Variants in CNTNAP5 observed in about 807,000 individuals in gnomAD.
The protein encoded by CNTNAP5 is contactin-associated protein-like 5.
CNTNAP5 carries 72 observed loss-of-function variants against 150.2 expected under a neutral mutation model. The observed-to-expected ratio is 0.48, with a 90% confidence interval of 0.40 to 0.58. CNTNAP5 has a LOEUF of 0.58. Ranked by LOEUF, CNTNAP5 falls within the 20% of genes least tolerant of loss-of-function variation. CNTNAP5 has a pLI of 0.00. For missense variants in CNTNAP5, 1,636 were observed against 1,626.2 expected, an observed-to-expected ratio of 1.01 and a Z score of -0.10; for synonymous variants, 672 against 619.8, an observed-to-expected ratio of 1.08 and a Z score of -1.25.
chr2:124,688,516 A>G (rs998502173), intron 13 of CNTNAP5, among the ~76,000 whole-genome samples: 1 of 152,104 alleles, frequency 6.6e-6, no homozygotes, highest in African/African-American at 2.4e-5. Context: ...AGTCAGATAG[A>G]ATGACGTAGA....
intron 6 of CNTNAP5, among the ~76,000 whole-genome samples, chr2:124,454,426 C>T (rs142940453): frequency 1.3e-5 from 2 of 152,030 alleles, no homozygotes; most frequent in African/African-American, 4.8e-5. Context: ...ACCTAACATA[C>T]AGACAGCAGC....
At chr2:124,237,579 A>C (rs147274284) in intron 2 of CNTNAP5, among the ~76,000 whole-genome samples, 539 of 152,250 alleles carry the variant, frequency 3.5e-3, no homozygotes, top group Non-Finnish European at 5.2e-3. Context: ...CACACCTGTA[A>C]TCCCAGCACT....
At chr2:124,796,177 C>T (rs1469614938) in intron 18 of CNTNAP5, among the ~76,000 whole-genome samples, 2 of 152,060 alleles carry the variant, frequency 1.3e-5, no homozygotes, top group Non-Finnish European at 2.9e-5. Flanking sequence ...AGAGTGACAA[C>T]AGAAATTTGG....
At chr2:124,189,779 CT>C (rs1351589914) in intron 1 of CNTNAP5, among the ~76,000 whole-genome samples, 1 of 152,144 alleles carries the variant, frequency 6.6e-6, no homozygotes, top group Non-Finnish European at 1.5e-5. Context: ...CCTTGCAGGG[CT>C]TCCAGGTTGG....
At chr2:124,203,078 A>G (rs966125840) in intron 1 of CNTNAP5, among the ~76,000 whole-genome samples, 3 of 152,092 alleles carry the variant, frequency 2.0e-5, no homozygotes, top group African/African-American at 7.2e-5. Context: ...AATCAGAAGC[A>G]ACTTAGTTAC....
intron 4 of CNTNAP5, among the ~76,000 whole-genome samples, chr2:124,421,651 T>A (rs893668615): frequency 6.6e-6 from 1 of 152,178 alleles, no homozygotes; most frequent in Non-Finnish European, 1.5e-5. Context: ...AAAATGTTCT[T>A]TATAAAGAAG....
intron 11 of CNTNAP5, among the ~76,000 whole-genome samples, chr2:124,564,162 T>A (rs1394936623): frequency 6.6e-6 from 1 of 152,012 alleles, no homozygotes; most frequent in Non-Finnish European, 1.5e-5. Context: ...AATGGAGACA[T>A]AAAGCACAGG....
At chr2:124,028,607 G>T (rs1680961205) in intron 1 of CNTNAP5, among the ~76,000 whole-genome samples, 1 of 152,062 alleles carries the variant, frequency 6.6e-6, no homozygotes, top group South Asian at 2.1e-4. Context: ...GAGGGAATTA[G>T]TTAACATCAA....
At chr2:124,681,838 A>G (rs1267439463) in intron 13 of CNTNAP5, among the ~76,000 whole-genome samples, 2 of 152,198 alleles carry the variant, frequency 1.3e-5, no homozygotes, top group African/African-American at 4.8e-5. Flanking sequence ...CTGGGATTGC[A>G]GGCATGAACC....
At chr2:124,740,476 G>C (rs1680474509) in intron 13 of CNTNAP5, among the ~76,000 whole-genome samples, 1 of 152,124 alleles carries the variant, frequency 6.6e-6, no homozygotes, top group Non-Finnish European at 1.5e-5. Flanking sequence ...AATCATTGGG[G>C]CTGGGTTGGC....
At chr2:124,462,427 CT>C (rs1693275991) in intron 6 of CNTNAP5, among the ~76,000 whole-genome samples, 1 of 152,144 alleles carries the variant, frequency 6.6e-6, no homozygotes, top group Admixed American at 6.5e-5. Context: ...AAAGACTTCT[CT>C]TAAATTTGTT....
intron 13 of CNTNAP5, among the ~76,000 whole-genome samples, chr2:124,739,799 G>T (rs2105136456): frequency 6.6e-6 from 1 of 152,068 alleles, no homozygotes; most frequent in East Asian, 1.9e-4. Flanking sequence ...GCATAAAACT[G>T]TTCCCACGAC....
At chr2:124,858,139 T>C (rs1677421428) in intron 19 of CNTNAP5, among the ~76,000 whole-genome samples, 1 of 152,146 alleles carries the variant, frequency 6.6e-6, no homozygotes, top group Non-Finnish European at 1.5e-5. Flanking sequence ...CTTTGAAAAC[T>C]GGCACAAGAC....
chr2:124,726,625 A>G (rs1118109), intron 13 of CNTNAP5, among the ~76,000 whole-genome samples: 26,805 of 151,874 alleles, frequency 0.18, 2,492 homozygotes, highest in South Asian at 0.22. Flanking sequence ...CTTGTTAGCC[A>G]TTTGTACGTC....
intron 3 of CNTNAP5, among the ~76,000 whole-genome samples, chr2:124,373,770 A>T (rs1350817675): frequency 6.6e-6 from 1 of 151,866 alleles, no homozygotes; most frequent in Non-Finnish European, 1.5e-5. Context: ...AAATTTCTGT[A>T]TGAAGTTATT....
At chr2:124,400,138 C>T (rs12996057) in intron 3 of CNTNAP5, among the ~76,000 whole-genome samples, 69,285 of 150,858 alleles carry the variant, frequency 0.46, 17,692 homozygotes, top group South Asian at 0.61. Flanking sequence ...ATAGGGAAAC[C>T]AATGCTACAT....
chr2:124,376,498 T>C lies in CNTNAP5; in HGVS notation c.382-40945T>C, dbSNP rs982268035. On this transcript the variant is annotated intron_variant, in intron 3 of 23. Coordinates refer to ENST00000682447, the MANE Select transcript of CNTNAP5 (RefSeq NM_001367498.1). ...ATTTGCTCTGCTAAGATAAAAGTTT[T>C]TCATGATCTTTATGAGTGCCTCTAA... Among the ~76,000 whole-genome samples the C allele has an allele frequency of 5.3e-5, 8 of 152,114 alleles. No homozygotes were observed. The East Asian group carries it at 1.4e-3, about 26-fold the overall frequency.
intron 13 of CNTNAP5, among the ~76,000 whole-genome samples, chr2:124,742,993 G>A (rs1230578546): frequency 3.3e-5 from 5 of 152,066 alleles, no homozygotes; most frequent in Non-Finnish European, 5.9e-5. Context: ...CCCAGGCCCC[G>A]GAAGCACAGT....
At chr2:124,722,693 G>A (rs72978580) in intron 13 of CNTNAP5, among the ~76,000 whole-genome samples, 2,285 of 152,206 alleles carry the variant, frequency 0.015, 81 homozygotes, top group African/African-American at 0.052. Flanking sequence ...AGATTAAGGG[G>A]GTAGCCTCAA....
Sources: gnomAD v4.1 joint callset for allele counts (sites outside exome capture counted in the v4.1 genomes callset) on GRCh38, gnomAD v4.1.1 for gene constraint, MANE v1.5 for transcripts, NCBI Gene and HGNC (gene_info 2026-07-23, HGNC 2026-07-21) for gene names.